Variants in EXOC4 observed in about 807,000 individuals in gnomAD.
The protein encoded by EXOC4 is exocyst complex component 4, also known as SEC8-like 1.
A neutral mutation model predicts 107.2 loss-of-function variants in EXOC4; 71 were observed. The ratio of observed to expected loss-of-function variants is 0.66; its 90% CI spans 0.55 to 0.81. EXOC4 has a LOEUF of 0.81. Ranked by LOEUF, EXOC4 falls within the 30% of genes least tolerant of loss-of-function variation. The pLI is 0.00. For synonymous variants in EXOC4, 456 were observed against 441.2 expected (o/e 1.03, Z -0.42); for missense variants, 1,108 against 1,189.6 (o/e 0.93, Z 1.01).
At chr7:134,020,795 G>A (rs1249752292) in intron 17 of EXOC4, among the ~76,000 whole-genome samples, 1 of 152,076 alleles carries the variant, frequency 6.6e-6, no homozygotes, top group South Asian at 2.1e-4. Context: ...AGACCAGCCT[G>A]GCCAACATGG....
intron 6 of EXOC4, among the ~76,000 whole-genome samples, chr7:133,372,790 A>G (rs779760658): frequency 1.3e-5 from 2 of 152,222 alleles, no homozygotes; most frequent in South Asian, 2.1e-4. Flanking sequence ...TCATGGATCA[A>G]TATGGTTTCA....
At chr7:133,535,153 T>A (rs993945212) in intron 9 of EXOC4, among the ~76,000 whole-genome samples, 1 of 152,136 alleles carries the variant, frequency 6.6e-6, no homozygotes, top group Admixed American at 6.5e-5. Flanking sequence ...AAACTGAATG[T>A]CTTTGTGGTA....
intron 3 of EXOC4, among the ~76,000 whole-genome samples, chr7:133,289,382 TGA>T (rs1794354627): frequency 6.6e-6 from 1 of 152,212 alleles, no homozygotes; most frequent in Non-Finnish European, 1.5e-5. Flanking sequence ...AGAATGGTAA[TGA>T]GAGGTGTTTT....
At chr7:133,421,399 A>G (rs763787151) in intron 7 of EXOC4, among the ~76,000 whole-genome samples, 2 of 152,210 alleles carry the variant, frequency 1.3e-5, no homozygotes, top group Non-Finnish European at 2.9e-5. Context: ...GGACCAAATG[A>G]TGACAGTTTA....
intron 13 of EXOC4, among the ~76,000 whole-genome samples, chr7:133,933,846 A>G (rs1348507008): frequency 6.6e-6 from 1 of 152,172 alleles, no homozygotes; most frequent in East Asian, 1.9e-4. Flanking sequence ...AAGTTCTCTC[A>G]TATGTGGTGA....
chr7:134,047,878 C>T (rs746581655), intron 17 of EXOC4, among the ~76,000 whole-genome samples: 5 of 152,196 alleles, frequency 3.3e-5, no homozygotes, highest in Non-Finnish European at 7.3e-5. Flanking sequence ...AGACCATGGC[C>T]TTGCGGTAAA....
intron 9 of EXOC4, among the ~76,000 whole-genome samples, chr7:133,593,518 A>G (rs975529432): frequency 8.5e-5 from 13 of 152,272 alleles, no homozygotes; most frequent in Non-Finnish European, 1.5e-5. Flanking sequence ...TGTTTTGGGG[A>G]GTCTGGATTG....
intron 10 of EXOC4, among the ~76,000 whole-genome samples, chr7:133,712,439 CAAAAAAAAAAAAAAAAAAAA>C (rs58629398): frequency 1.3e-4 from 4 of 30,196 alleles, no homozygotes; most frequent in Non-Finnish European, 2.2e-4. Context: ...AACTCTGTCT[CAAAAAAAAAAAAAAAAAAAA>C]AAAAAAAAAA....
Position 133,418,105 on chromosome 7 carries a change from A to G in EXOC4, c.1182+43103A>G, listed in dbSNP as rs112164669. ...TCTCATAAAGATAATGTCATCAAAC[A>G]TGTTATGAACATAGTTCAGGACAAG... is the stretch of plus-strand genomic sequence containing the variant. On this transcript the variant is annotated intron_variant, in intron 7 of 17. Transcript: ENST00000253861. 1.6e-3 allele frequency among the ~76,000 whole-genome samples: 246 copies of G among 152,326 alleles called. 1 individual carries two copies. The highest frequency in any genetic ancestry group is 5.7e-3 in the African/African-American group (238 of 41,570).
chr7:133,490,172 A>G (rs993839359), intron 9 of EXOC4, among the ~76,000 whole-genome samples: 1 of 152,158 alleles, frequency 6.6e-6, no homozygotes, highest in East Asian at 1.9e-4. Flanking sequence ...GTGTAGTGCC[A>G]TACCTCAGTA....
At chr7:133,430,913 C>T (rs1331912256) in intron 7 of EXOC4, among the ~76,000 whole-genome samples, 1 of 152,140 alleles carries the variant, frequency 6.6e-6, no homozygotes, top group South Asian at 2.1e-4. Flanking sequence ...AATGGAAAAT[C>T]CCTGAAGTTT....
At chr7:134,053,070 C>T (rs1429663219) in intron 17 of EXOC4, among the ~76,000 whole-genome samples, 1 of 152,184 alleles carries the variant, frequency 6.6e-6, no homozygotes, top group Non-Finnish European at 1.5e-5. Context: ...TTTTCATTTA[C>T]TCAGCATTCA....
intron 9 of EXOC4, among the ~76,000 whole-genome samples, chr7:133,554,020 G>A (rs558416118): frequency 6.6e-6 from 1 of 152,146 alleles, no homozygotes; most frequent in African/African-American, 2.4e-5. Flanking sequence ...CTGTTTAGGG[G>A]AATGAAGAGG....
chr7:133,656,848 T>C (rs1803311637), intron 10 of EXOC4, among the ~76,000 whole-genome samples: 1 of 152,202 alleles, frequency 6.6e-6, no homozygotes, highest in South Asian at 2.1e-4. Context: ...GTCTGAACTT[T>C]ACTTTTGATG....
intron 10 of EXOC4, among the ~76,000 whole-genome samples, chr7:133,722,803 C>T (rs980564268): frequency 1.3e-5 from 2 of 152,164 alleles, no homozygotes; most frequent in African/African-American, 4.8e-5. Context: ...TTTAAACAAG[C>T]AGGTTTTGAG....
At chr7:133,272,839 A>G (rs1793904643) in intron 1 of EXOC4, among the ~76,000 whole-genome samples, 2 of 152,200 alleles carry the variant, frequency 1.3e-5, no homozygotes, top group Admixed American at 1.3e-4. Flanking sequence ...ATAACTCCTA[A>G]TGATCCAGTA....
At chr7:134,038,404 CT>C (rs1231504687) in intron 17 of EXOC4, among the ~76,000 whole-genome samples, 11 of 152,204 alleles carry the variant, frequency 7.2e-5, no homozygotes, top group Admixed American at 7.2e-4. Flanking sequence ...GGCACCTATA[CT>C]TAACATTTAT....
chr7:133,989,981 T>C (rs1794212505), intron 14 of EXOC4, among the ~76,000 whole-genome samples: 1 of 152,316 alleles, frequency 6.6e-6, no homozygotes, highest in African/African-American at 2.4e-5. Flanking sequence ...CAACAATCTA[T>C]ACATTTTTGT....
intron 7 of EXOC4, among the ~76,000 whole-genome samples, chr7:133,403,971 G>A (rs1228712636): frequency 6.6e-6 from 1 of 152,070 alleles, no homozygotes; most frequent in Non-Finnish European, 1.5e-5. Flanking sequence ...CACAGCTTTA[G>A]TTCAGGGCAC....
Sources: allele counts gnomAD v4.1 joint callset (sites outside exome capture counted in the v4.1 genomes callset), GRCh38; gene constraint gnomAD v4.1.1; transcripts MANE v1.5; gene names NCBI Gene and HGNC (gene_info 2026-07-23, HGNC 2026-07-21).